The following CD58 variants were observed in gnomAD, a reference collection of about 807,000 sequenced individuals.
CD58 encodes lymphocyte function-associated antigen 3.
CD58 carries 14 observed loss-of-function variants against 27.6 expected under a neutral mutation model. The observed-to-expected ratio is 0.51, with a 90% confidence interval of 0.34 to 0.79. CD58 has a LOEUF of 0.79. Among genes scored for constraint, CD58 ranks in the 30% least tolerant of loss-of-function variants. The pLI is 0.02. For synonymous variants in CD58, 117 were observed against 103.8 expected, an observed-to-expected ratio of 1.13 and a Z score of -0.77; for missense variants, 268 against 301.7, an observed-to-expected ratio of 0.89 and a Z score of 0.83.
chr1:116,544,650 G>A, intron 1 of CD58, 46 bp from the exon 2 acceptor site: 1 of 1,358,444 alleles, frequency 7.4e-7, no homozygotes, highest in Non-Finnish European at 1.0e-6. Flanking sequence ...CATGACTTTG[G>A]TGGCAGAAAT....
Position 116,571,009 on chromosome 1 carries a change from A to T in CD58, c.-37T>A. 1 of 1,516,768 alleles carries T rather than the reference A, an allele frequency of 6.6e-7. No homozygotes were observed. Among genetic ancestry groups the T allele is most frequent in the Non-Finnish European group, 8.8e-7 (1 of 1,133,262 alleles). 94.0% of individuals were successfully genotyped at this position (1,516,768 alleles called of 1,614,324 possible). On this transcript the variant is annotated 5_prime_UTR_variant, in exon 1 of 6. Transcript: ENST00000369489. ...CCGGCCTCTGCGCGAGTGCCCAGCC[A>T]CAAGCAGCCCTAAGTTCAAGCACCG...
In CD58 at chr1:116,533,665, A is replaced by C. The variant is rs4839544; in HGVS notation, c.628+2300T>G. 0.012 allele frequency: 8,560 copies of C among 685,240 alleles called. 711 individuals are homozygous for C. The Admixed American group carries it at 0.15, about 12-fold the overall frequency. The allele number at this position is 685,240 out of a possible 1,614,324, so 42.4% of individuals were successfully genotyped here. A position where few individuals can be genotyped will look rare whatever the true frequency, so the allele number is the denominator to read the frequency against. ...TGTTGCTGCTGCTTTTTCTGTTATGACTACTTTATTTTTCCTGTCTCCAGC... is the reference window on the plus strand; with the variant it reads ...TGTTGCTGCTGCTTTTTCTGTTATGCCTACTTTATTTTTCCTGTCTCCAGC... On this transcript the variant is annotated intron_variant, in intron 3 of 5. Coordinates refer to ENST00000369489, the MANE Select transcript of CD58 (RefSeq NM_001779.3).
In CD58 at chr1:116,536,681, G is replaced by A. The variant is rs1374340626; in HGVS notation, c.365-453C>T. Among the ~76,000 whole-genome samples the A allele has an allele frequency of 1.3e-5, 2 of 152,026 alleles. No individual in the cohort carries two copies. Among genetic ancestry groups the A allele is most frequent in the African/African-American group, 4.8e-5 (2 of 41,366 alleles). On this transcript the variant is annotated intron_variant, in intron 2 of 5. Transcript: ENST00000369489. This position sits in a 1 kb window ranked among gnomAD's most constrained non-coding sequence, Gnocchi z 5.4. ...TCTGCCATGATTGTAAGTTTCCCGAGGCCTCCCCAGCCATGTGGAACTGTG... is the reference window on the plus strand; with the variant it reads ...TCTGCCATGATTGTAAGTTTCCCGAAGCCTCCCCAGCCATGTGGAACTGTG...
At chr1:116,529,855 T>C (rs1446709708) in intron 3 of CD58, among the ~76,000 whole-genome samples, 1 of 152,178 alleles carries the variant, frequency 6.6e-6, no homozygotes, top group Non-Finnish European at 1.5e-5. Context: ...TCGCCCCATT[T>C]CTGGGTTGCA....
chr1:116,532,256 G>C lies in CD58; in HGVS notation c.628+3709C>G, dbSNP rs1473863028. The stretch of plus-strand genomic sequence containing the variant: ...GGTGGTTCAGAAATGGCAAGGACGA[G>C]CGACAGCAAAAGGCCGCAGTCCTCA... On this transcript the variant is annotated intron_variant, in intron 3 of 5. Transcript: ENST00000369489. This position sits in a 1 kb window ranked among gnomAD's most constrained non-coding sequence, Gnocchi z 5.1. Among the ~76,000 whole-genome samples the C allele has an allele frequency of 1.3e-5, 2 of 152,210 alleles. No homozygotes were observed. Among genetic ancestry groups the C allele is most frequent in the African/African-American group, 4.8e-5 (2 of 41,438 alleles).
Position 116,517,844 on chromosome 1 carries a change from ACAC to A in CD58, c.743+1384_743+1386del, listed in dbSNP as rs1232856946. 2.0e-5 allele frequency among the ~76,000 whole-genome samples: 3 copies of A among 152,136 alleles called. No individual in the cohort carries two copies. The highest frequency in any genetic ancestry group is 4.4e-5 in the Non-Finnish European group (3 of 68,020). ...GCATGGACATCACTAGCCAGGTAAT[ACAC>A]CAGCACCCCAAAATCAACCTGTCAA... On this transcript the variant is annotated intron_variant, in intron 5 of 5. Coordinates refer to ENST00000369489, the MANE Select transcript of CD58 (RefSeq NM_001779.3). The surrounding 1 kb of genome is among the most constrained non-coding windows in gnomAD (Gnocchi z 6.5).
At chr1:116,569,112 G>A (rs902479737) in intron 1 of CD58, among the ~76,000 whole-genome samples, 6 of 152,220 alleles carry the variant, frequency 3.9e-5, no homozygotes, top group Non-Finnish European at 7.3e-5. Flanking sequence ...GCAGTGGAAG[G>A]GAGAACACAG....
At chr1:116,556,759 G>A (rs1658582373) in intron 1 of CD58, among the ~76,000 whole-genome samples, 1 of 152,186 alleles carries the variant, frequency 6.6e-6, no homozygotes, top group African/African-American at 2.4e-5. Context: ...ACGAAGACCA[G>A]CAATTCCACC....
Position 116,531,893 on chromosome 1 carries a change from G to A in CD58, c.628+4072C>T, listed in dbSNP as rs963367585. 4.6e-5 allele frequency among the ~76,000 whole-genome samples: 7 copies of A among 152,166 alleles called. No homozygotes were observed. Among genetic ancestry groups the A allele is most frequent in the African/African-American group, 7.2e-5 (3 of 41,422 alleles). ...GGTCAGCGCGGACAAGGCCATCCCC[G>A]GCTGCCACAGAGCGCTGTCACCCAC... On this transcript the variant is annotated intron_variant, in intron 3 of 5. Coordinates refer to ENST00000369489, the MANE Select transcript of CD58 (RefSeq NM_001779.3). This position sits in a 1 kb window ranked among gnomAD's most constrained non-coding sequence, Gnocchi z 4.5.
rs1225521555 is a variant in CD58, at chr1:116,552,984, A to T, written c.71-8380T>A. 1.3e-5 allele frequency among the ~76,000 whole-genome samples: 2 copies of T among 152,090 alleles called. No individual in the cohort carries two copies. The highest frequency in any genetic ancestry group is 2.9e-5 in the Non-Finnish European group (2 of 68,022). On this transcript the variant is annotated intron_variant, in intron 1 of 5. Transcript: ENST00000369489. The surrounding 1 kb of genome is among the most constrained non-coding windows in gnomAD (Gnocchi z 4.5). ...GAGTTGCCCTTTCCTTGGACTCCTG[A>T]CAGCATTAGGTAATTTTTTTTTTAT...
In CD58 at chr1:116,570,855, C is replaced by T. The variant is rs1302237978; in HGVS notation, c.70+48G>A. 3 of 1,464,962 alleles carry T rather than the reference C, an allele frequency of 2.0e-6. No homozygotes were observed. The highest frequency in any genetic ancestry group is 1.2e-5 in the South Asian group (1 of 81,348). 90.7% of individuals were successfully genotyped at this position (1,464,962 alleles called of 1,614,324 possible). On this transcript the variant is annotated intron_variant, in intron 1 of 5. Coordinates refer to ENST00000369489, the MANE Select transcript of CD58 (RefSeq NM_001779.3). The surrounding 1 kb of genome is among the most constrained non-coding windows in gnomAD (Gnocchi z 6.4). ...CGCGTCCACCCAGCCTGGGTGCTGC[C>T]CAGTACCCGCCGGCCGGCGCGGGGC...
Position 116,557,904 on chromosome 1 carries a change from G to T in CD58, c.70+12999C>A, listed in dbSNP as rs1658614914. Among the ~76,000 whole-genome samples the T allele has an allele frequency of 6.6e-6, 1 of 151,912 alleles. No individual in the cohort carries two copies. Among genetic ancestry groups the T allele is most frequent in the East Asian group, 1.9e-4 (1 of 5,198 alleles). On this transcript the variant is annotated intron_variant, in intron 1 of 5. Coordinates refer to ENST00000369489, the MANE Select transcript of CD58 (RefSeq NM_001779.3). This position sits in a 1 kb window ranked among gnomAD's most constrained non-coding sequence, Gnocchi z 5.2. The stretch of plus-strand genomic sequence containing the variant: ...GCTCAGGCTGATCTCAAACTCGTGG[G>T]CTCAAGTGATCCTCCTCCCTGGGCC...
rs138298882 is a variant in CD58 at position 116,549,858 on chromosome 1, C to G, written c.71-5254G>C. 2.1e-4 allele frequency among the ~76,000 whole-genome samples: 32 copies of G among 152,276 alleles called. No individual in the cohort carries two copies. The East Asian group carries it at 6.2e-3, about 29-fold the overall frequency. ...CTTGAAGATACCGTGGGTTTGGTCC[C>G]AGACAACAGCAATCATGTAAATATC... On this transcript the variant is annotated intron_variant, in intron 1 of 5. Coordinates refer to ENST00000369489, the MANE Select transcript of CD58 (RefSeq NM_001779.3).
chr1:116,555,693 C>T (rs1658537596), intron 1 of CD58, among the ~76,000 whole-genome samples: 1 of 152,102 alleles, frequency 6.6e-6, no homozygotes, highest in South Asian at 2.1e-4. Flanking sequence ...ACATCAACAC[C>T]TCAATTTTAA....
At chr1:116,564,889 TAC>T (rs1291035631) in intron 1 of CD58, among the ~76,000 whole-genome samples, 2 of 152,162 alleles carry the variant, frequency 1.3e-5, no homozygotes, top group African/African-American at 4.8e-5. Context: ...GTGCTAGGAT[TAC>T]AGGCATGCAC....
Position 116,514,774 on chromosome 1 carries a change from T to C in CD58, c.*39A>G, listed in dbSNP as rs1657022380. On this transcript the variant is annotated 3_prime_UTR_variant, in exon 6 of 6. Transcript: ENST00000369489. ...TCAGATGGCTTTTTAGTTTTTAAAA[T>C]AATTTAGTTATGCTGTTGTCTTCAT... is the stretch of plus-strand genomic sequence containing the variant. 5 of 1,367,514 alleles carry C rather than the reference T, an allele frequency of 3.7e-6. No homozygotes were observed. The highest frequency in any genetic ancestry group is 5.1e-6 in the Non-Finnish European group (5 of 974,342). The allele number at this position is 1,367,514 out of a possible 1,614,324, so 84.7% of individuals were successfully genotyped here.
At chr1:116,539,417 T>A (rs1307843562) in intron 2 of CD58, among the ~76,000 whole-genome samples, 1 of 152,178 alleles carries the variant, frequency 6.6e-6, no homozygotes, top group East Asian at 1.9e-4. Flanking sequence ...ACTCCTAAAC[T>A]GTCTTATTTT....
At position 116,546,482 on chromosome 1, in the gene CD58, T is replaced by C. The variant is rs1474215242; in HGVS notation, c.71-1878A>G. Among the ~76,000 whole-genome samples, 1 of 152,166 alleles carries C rather than the reference T, an allele frequency of 6.6e-6. No homozygotes were observed. Among genetic ancestry groups the C allele is most frequent in the Admixed American group, 6.5e-5 (1 of 15,274 alleles). On this transcript the variant is annotated intron_variant, in intron 1 of 5. Transcript: ENST00000369489. The surrounding 1 kb of genome is among the most constrained non-coding windows in gnomAD (Gnocchi z 4.1). ...TATTTCCTCCACTCAACAGAGTATG[T>C]GGGAAGGCACAAGAAAAAGTACAGA...
At chr1:116,561,033 G>A (rs1459383158) in intron 1 of CD58, among the ~76,000 whole-genome samples, 1 of 152,136 alleles carries the variant, frequency 6.6e-6, no homozygotes, top group Non-Finnish European at 1.5e-5. Context: ...AGCATGAGAA[G>A]AAACCAAAAG....
Sources: gnomAD v4.1 joint callset for allele counts (sites outside exome capture counted in the v4.1 genomes callset) on GRCh38, gnomAD v4.1.1 for gene constraint, Gnocchi (gnomAD v3.1) non-coding constraint, MANE v1.5 for transcripts, NCBI Gene and HGNC (gene_info 2026-07-23, HGNC 2026-07-21) for gene names.